The following BORCS5 variants were observed in gnomAD, a reference collection of about 807,000 sequenced individuals.
The protein encoded by BORCS5 is BLOC-1-related complex subunit 5.
A neutral mutation model predicts 22.1 loss-of-function variants in BORCS5; 17 were observed. That is an observed-to-expected ratio of 0.77 (90% CI 0.53 to 1.15). The LOEUF (loss-of-function observed/expected upper bound fraction) is 1.15. Ranked by LOEUF, BORCS5 falls within the 50% of genes most tolerant of loss-of-function variation. The probability of loss-of-function intolerance (pLI) is 0.00; values close to 1 mark genes in which losing one functional copy is unlikely to be tolerated. For missense variants in BORCS5, 247 were observed against 253.2 expected (o/e 0.98, Z 0.17); for synonymous variants, 117 against 99.8 (o/e 1.17, Z -1.03).
At chr12:12,404,616 G>T (rs1941552191) in intron 2 of BORCS5, among the ~76,000 whole-genome samples, 1 of 152,222 alleles carries the variant, frequency 6.6e-6, no homozygotes, top group Non-Finnish European at 1.5e-5. Flanking sequence ...AGCACCAATA[G>T]TATGTTTCAG....
intron 2 of BORCS5, among the ~76,000 whole-genome samples, chr12:12,389,471 C>G (rs1168839005): frequency 6.9e-6 from 1 of 144,062 alleles, no homozygotes; most frequent in Non-Finnish European, 1.6e-5. Flanking sequence ...ATTTACAATT[C>G]TAATTAGTTT....
At chr12:12,448,988 T>G (rs950863160) in intron 3 of BORCS5, among the ~76,000 whole-genome samples, 2 of 152,246 alleles carry the variant, frequency 1.3e-5, no homozygotes, top group African/African-American at 4.8e-5. Flanking sequence ...GCAACCACAC[T>G]TTAAAATAGC....
chr12:12,397,148 G>C (rs1223197788), intron 2 of BORCS5, among the ~76,000 whole-genome samples: 1 of 152,014 alleles, frequency 6.6e-6, no homozygotes, highest in Non-Finnish European at 1.5e-5. Context: ...TAGTTTATTT[G>C]AAACCTTATA....
intron 3 of BORCS5, among the ~76,000 whole-genome samples, chr12:12,449,431 A>G (rs1233134052): frequency 1.3e-5 from 2 of 152,138 alleles, no homozygotes; most frequent in Non-Finnish European, 2.9e-5. Flanking sequence ...TGCCATTTGC[A>G]AGGCCTTTTG....
chr12:12,408,701 C>G (rs1244480309), intron 2 of BORCS5, among the ~76,000 whole-genome samples: 2 of 152,282 alleles, frequency 1.3e-5, no homozygotes, highest in Non-Finnish European at 2.9e-5. Flanking sequence ...CCTCAAGATT[C>G]ACCCATGTTG....
At chr12:12,395,167 C>T (rs1941303448) in intron 2 of BORCS5, among the ~76,000 whole-genome samples, 1 of 151,938 alleles carries the variant, frequency 6.6e-6, no homozygotes, top group Non-Finnish European at 1.5e-5. Flanking sequence ...CAAAGTGGGT[C>T]TGAATATCCT....
At chr12:12,410,922 C>T (rs1212476243) in intron 2 of BORCS5, among the ~76,000 whole-genome samples, 1 of 80,722 alleles carries the variant, frequency 1.2e-5, no homozygotes, top group Non-Finnish European at 3.3e-5. Context: ...GTTTGTACTT[C>T]TCCTTGAAGA....
chr12:12,389,491 C>G (rs1863955456), intron 2 of BORCS5, among the ~76,000 whole-genome samples: 3 of 142,824 alleles, frequency 2.1e-5, no homozygotes, highest in Admixed American at 1.4e-4. Flanking sequence ...TTATATACCT[C>G]TGCCAGTATC....
chr12:12,455,217 A>G (rs1942977459), intron 3 of BORCS5, among the ~76,000 whole-genome samples: 1 of 152,228 alleles, frequency 6.6e-6, no homozygotes, highest in Non-Finnish European at 1.5e-5. Flanking sequence ...AAGAAAGAAC[A>G]AAGCTGGGAA....
intron 2 of BORCS5, among the ~76,000 whole-genome samples, chr12:12,415,065 C>T (rs1349676880): frequency 2.7e-5 from 4 of 148,330 alleles, no homozygotes; most frequent in Admixed American, 2.7e-4. Flanking sequence ...ACTTTCCAGA[C>T]TGGGCAGCCA....
chr12:12,369,553 T>G lies in BORCS5; in HGVS notation c.202+8204T>G, dbSNP rs572063625. On this transcript the variant is annotated intron_variant, in intron 2 of 3. Coordinates refer to ENST00000314565, the MANE Select transcript of BORCS5 (RefSeq NM_058169.6). ...ATTCCATTTTAGTTTCTTTTCTGGC[T>G]CTTTAAGTTATACTCCTTTGCATTA... Among the ~76,000 whole-genome samples the G allele has an allele frequency of 9.2e-5, 14 of 152,140 alleles. No homozygotes were observed. The East Asian group carries it at 2.7e-3, about 29-fold the overall frequency.
At chr12:12,359,522 T>C (rs1863227767) in intron 1 of BORCS5, among the ~76,000 whole-genome samples, 3 of 152,036 alleles carry the variant, frequency 2.0e-5, no homozygotes, top group Admixed American at 6.6e-5. Flanking sequence ...CCACCACGCC[T>C]GGATAATTTT....
At position 12,403,972 on chromosome 12, in the gene BORCS5, TTCC is replaced by T. The variant is rs1435606033; in HGVS notation, c.203-31655_203-31653del. On this transcript the variant is annotated intron_variant, in intron 2 of 3. Transcript: ENST00000314565. ...CTTTGGTATCACTTTTATCTTGTAG[TTCC>T]GTATAACTGCCTTTGTAGACTCTTC... Among the ~76,000 whole-genome samples, 7 of 152,316 alleles carry T rather than the reference TTCC, an allele frequency of 4.6e-5. No homozygotes were observed. In the East Asian group the frequency reaches 1.3e-3, roughly 29 times the overall value.
chr12:12,439,721 A>G (rs1268231710), intron 3 of BORCS5, among the ~76,000 whole-genome samples: 1 of 152,204 alleles, frequency 6.6e-6, no homozygotes, highest in African/African-American at 2.4e-5. Flanking sequence ...AGAGACCAGC[A>G]CTCACAGTAC....
At chr12:12,399,992 G>T (rs188782474) in intron 2 of BORCS5, among the ~76,000 whole-genome samples, 1 of 152,312 alleles carries the variant, frequency 6.6e-6, no homozygotes, top group African/African-American at 2.4e-5. Context: ...CAAATTAAAT[G>T]TTATTAAATA....
intron 2 of BORCS5, among the ~76,000 whole-genome samples, chr12:12,416,694 C>T (rs10459099): frequency 0.25 from 38,136 of 151,528 alleles, 5,881 homozygotes; most frequent in Non-Finnish European, 0.34. Context: ...CTCCTGGGCT[C>T]AAGCGATCCT....
At chr12:12,452,499 AC>A in intron 3 of BORCS5, 1 of 452,348 alleles carries the variant, frequency 2.2e-6, no homozygotes, top group South Asian at 1.7e-5. Flanking sequence ...GGTCGGGCCC[AC>A]CGGGTAGGCA....
Position 12,357,529 on chromosome 12 carries a change from ACCCTCCTCCAGCCCGC to A in BORCS5, c.58+23_58+38del. On this transcript the variant is annotated intron_variant, in intron 1 of 3. Coordinates refer to ENST00000314565, the MANE Select transcript of BORCS5 (RefSeq NM_058169.6). Reference sequence around the variant, plus strand: ...CCTCAGGTCGGTGTCCTAACCTCCCACCCTCCTCCAGCCCGCCCTGTCCCCTTGCAGAGCGGGCTGC... The same window carrying A: ...CCTCAGGTCGGTGTCCTAACCTCCCACCTGTCCCCTTGCAGAGCGGGCTGC... 1 of 1,575,790 alleles carries A rather than the reference ACCCTCCTCCAGCCCGC, an allele frequency of 6.3e-7. No homozygotes were observed. The highest frequency in any genetic ancestry group is 8.7e-7 in the Non-Finnish European group (1 of 1,156,008).
intron 2 of BORCS5, among the ~76,000 whole-genome samples, chr12:12,424,852 C>A (rs775693645): frequency 6.6e-6 from 1 of 152,134 alleles, no homozygotes; most frequent in African/African-American, 2.4e-5. Flanking sequence ...TATGTGGTTG[C>A]TTTTGAATAT....
Sources: allele counts gnomAD v4.1 joint callset (sites outside exome capture counted in the v4.1 genomes callset), GRCh38; gene constraint gnomAD v4.1.1; transcripts MANE v1.5; gene names NCBI Gene and HGNC (gene_info 2026-07-23, HGNC 2026-07-21).